PDE11A: variants seen among roughly 807,000 people sequenced by gnomAD.
PDE11A encodes dual 3',5'-cyclic-AMP and -GMP phosphodiesterase 11A.
A neutral mutation model predicts 100.5 loss-of-function variants in PDE11A; 100 were observed. The observed-to-expected ratio is 1.00, with a 90% CI of 0.85 to 1.18. PDE11A has a LOEUF of 1.18. PDE11A is among the 50% of genes most tolerant of loss of function. The probability of loss-of-function intolerance (pLI) is 0.00; values close to 1 mark genes in which losing one functional copy is unlikely to be tolerated. For synonymous variants in PDE11A, 381 were observed against 420.8 expected (o/e 0.91, Z 1.16); for missense variants, 1,141 against 1,152.6 (o/e 0.99, Z 0.15).
chr2:178,009,468 C>T (rs1036042541), intron 2 of PDE11A, among the ~76,000 whole-genome samples: 3 of 152,142 alleles, frequency 2.0e-5, no homozygotes, highest in African/African-American at 7.2e-5. Context: ...CATACAAACT[C>T]TCACCACTGC....
chr2:177,925,658 A>C (rs1304482781), intron 2 of PDE11A, among the ~76,000 whole-genome samples: 1 of 152,234 alleles, frequency 6.6e-6, no homozygotes, highest in African/African-American at 2.4e-5. Context: ...TACCAAAGGA[A>C]AACGTGGGGC....
At chr2:177,870,372 T>G (rs2084109797) in intron 5 of PDE11A, among the ~76,000 whole-genome samples, 1 of 152,210 alleles carries the variant, frequency 6.6e-6, no homozygotes, top group Non-Finnish European at 1.5e-5. Context: ...AACCAGCATT[T>G]AAGTCCAATC....
chr2:177,814,126 A>T (rs13409408), intron 9 of PDE11A, among the ~76,000 whole-genome samples: 41,191 of 151,870 alleles, frequency 0.27, 6,009 homozygotes, highest in African/African-American at 0.38. Flanking sequence ...TTTACTTTTT[A>T]AAAAACTTTG....
At position 177,629,395 on chromosome 2, in the gene PDE11A, T is replaced by C. The variant is rs560214000; in HGVS notation, c.*12A>G. 6.2e-7 allele frequency: 1 copy of C among 1,612,850 alleles called. No homozygotes were observed. Among genetic ancestry groups the C allele is most frequent in the African/African-American group, 1.3e-5 (1 of 75,048 alleles). ...GCTGTAGTCATTTTGCAGCTGCAGC[T>C]GACCTGGAGGTTTAGTTCCTGTCTT... is the stretch of plus-strand genomic sequence containing the variant. On this transcript the variant is annotated 3_prime_UTR_variant, in exon 20 of 20. Coordinates refer to ENST00000286063, the MANE Select transcript of PDE11A (RefSeq NM_016953.4).
chr2:177,836,421 T>G (rs1170273481), intron 6 of PDE11A, among the ~76,000 whole-genome samples: 4 of 152,210 alleles, frequency 2.6e-5, no homozygotes, highest in Admixed American at 2.6e-4. Context: ...GCTAATCTGA[T>G]GCGGACTTGG....
chr2:177,815,982 G>C (rs531656917), intron 9 of PDE11A, among the ~76,000 whole-genome samples: 3 of 152,072 alleles, frequency 2.0e-5, no homozygotes, highest in Non-Finnish European at 4.4e-5. Context: ...AGGCCAAGGC[G>C]GGCAGATCAC....
chr2:177,943,778 G>A lies in PDE11A; in HGVS notation c.1072-38591C>T, dbSNP rs1046865317. On this transcript the variant is annotated intron_variant, in intron 2 of 19. Coordinates refer to ENST00000286063, the MANE Select transcript of PDE11A (RefSeq NM_016953.4). ...TCCCTTTGTTGCCTATGCTTTTGAC[G>A]TCATATTCAAAAAACCACTGCCAAA... is the stretch of plus-strand genomic sequence containing the variant. Among the ~76,000 whole-genome samples the A allele has an allele frequency of 7.2e-5, 11 of 151,998 alleles. 1 individual carries two copies. Among genetic ancestry groups the A allele is most frequent in the South Asian group, 4.2e-4 (2 of 4,806 alleles).
chr2:177,867,353 C>A (rs927400561), intron 5 of PDE11A, among the ~76,000 whole-genome samples: 1 of 152,176 alleles, frequency 6.6e-6, no homozygotes, highest in Admixed American at 6.5e-5. Context: ...AGAGGTGCTC[C>A]TCCAGGCCCA....
intron 2 of PDE11A, among the ~76,000 whole-genome samples, chr2:177,989,045 T>G (rs2085972878): frequency 6.6e-6 from 1 of 152,240 alleles, no homozygotes; most frequent in South Asian, 2.1e-4. Flanking sequence ...GCCTGCTAAC[T>G]GCGTTCAAAG....
At chr2:177,770,664 G>A (rs2082299136) in intron 9 of PDE11A, among the ~76,000 whole-genome samples, 1 of 152,216 alleles carries the variant, frequency 6.6e-6, no homozygotes, top group African/African-American at 2.4e-5. Flanking sequence ...AGAACAGAAA[G>A]GGAAAGAGAA....
At chr2:178,098,651 T>C (rs1288376649) in intron 2 of PDE11A, among the ~76,000 whole-genome samples, 1 of 151,904 alleles carries the variant, frequency 6.6e-6, no homozygotes, top group Non-Finnish European at 1.5e-5. Flanking sequence ...CCAAATAAAT[T>C]TAGTTGGTAG....
intron 12 of PDE11A, among the ~76,000 whole-genome samples, chr2:177,727,088 G>A (rs75835505): frequency 0.02 from 3,032 of 152,154 alleles, 44 homozygotes; most frequent in South Asian, 0.033. Context: ...AGCTGCACTA[G>A]ATATCTCCGT....
chr2:178,008,559 C>G (rs1028286428), intron 2 of PDE11A, among the ~76,000 whole-genome samples: 1 of 152,158 alleles, frequency 6.6e-6, no homozygotes, highest in Admixed American at 6.6e-5. Context: ...AACTTAAATA[C>G]CTTGTGCACC....
chr2:177,786,832 T>A (rs2082544595), intron 9 of PDE11A, among the ~76,000 whole-genome samples: 1 of 151,868 alleles, frequency 6.6e-6, no homozygotes. Flanking sequence ...AAGGGAAGTT[T>A]AGAGAAAAAA....
Position 178,064,328 on chromosome 2 carries a change from G to C in PDE11A, c.912+7198C>G, listed in dbSNP as rs572331772. ...ACTAGATCAAAGTCACCTCTTCGCT[G>C]TAGGTGTGTTCGGCCAAGGTTACCT... On this transcript the variant is annotated intron_variant, in intron 1 of 19. Transcript: ENST00000286063. Among the ~76,000 whole-genome samples, 3 of 152,326 alleles carry C rather than the reference G, an allele frequency of 2.0e-5. No homozygotes were observed. In the South Asian group the frequency reaches 6.2e-4, roughly 32 times the overall value.
At chr2:177,854,185 C>T (rs1052740620) in intron 5 of PDE11A, among the ~76,000 whole-genome samples, 2 of 151,896 alleles carry the variant, frequency 1.3e-5, no homozygotes, top group Non-Finnish European at 2.9e-5. Flanking sequence ...TACTTATTCA[C>T]ATGGCTTATT....
intron 5 of PDE11A, among the ~76,000 whole-genome samples, chr2:177,857,209 T>C (rs116536790): frequency 0.012 from 1,853 of 151,974 alleles, 35 homozygotes; most frequent in African/African-American, 0.041. Context: ...GAAACTATAC[T>C]TCAAAAATGA....
At chr2:178,075,204 G>GA (rs1284474814), upstream of PDE11A, among the ~76,000 whole-genome samples, 1 of 152,114 alleles carries the variant, frequency 6.6e-6, no homozygotes, top group Non-Finnish European at 1.5e-5. Flanking sequence ...GACTTGGAAG[G>GA]AAAGAAGATT....
chr2:177,845,301 C>T (rs1216893368), intron 5 of PDE11A, among the ~76,000 whole-genome samples: 20 of 149,832 alleles, frequency 1.3e-4, no homozygotes, highest in Non-Finnish European at 2.1e-4. Flanking sequence ...AGAGGGTCTC[C>T]TCACTTCTCA....
Sources: gnomAD v4.1 joint callset for allele counts (sites outside exome capture counted in the v4.1 genomes callset) on GRCh38, gnomAD v4.1.1 for gene constraint, MANE v1.5 for transcripts, NCBI Gene and HGNC (gene_info 2026-07-23, HGNC 2026-07-21) for gene names.